Variants in TOX3 observed in about 807,000 individuals in gnomAD.
TOX3 encodes TOX high mobility group box family member 3.
Under a neutral mutation model 64.3 loss-of-function variants are expected in TOX3, and 22 were observed. That is an observed-to-expected ratio of 0.34 (90% CI 0.24 to 0.49). The LOEUF is 0.49. Ranked by LOEUF, TOX3 falls within the 20% of genes least tolerant of loss-of-function variation. The pLI, the probability that TOX3 is intolerant of heterozygous loss-of-function variation, is 0.99. For synonymous variants in TOX3, 291 were observed against 273.6 expected (o/e 1.06, Z -0.63); for missense variants, 661 against 714.4 (o/e 0.93, Z 0.85).
rs1960148322 is a variant in TOX3 at position 52,445,928 on chromosome 16, G to T, written c.906+66C>A. The T allele has an allele frequency of 2.1e-6, 3 of 1,439,446 alleles. No individual in the cohort carries two copies. In the South Asian group the frequency reaches 3.7e-5, roughly 18 times the overall value. The allele number at this position is 1,439,446 out of a possible 1,614,324, so 89.2% of individuals were successfully genotyped here. A position where few individuals can be genotyped will look rare whatever the true frequency, so the allele number is the denominator to read the frequency against. ...TAAGTGAACACATGCACTTGGAAAA[G>T]GTGTGAGGAATATTTTAAATGATCA... On this transcript the variant is annotated intron_variant, in intron 5 of 6. Coordinates refer to ENST00000219746, the MANE Select transcript of TOX3 (RefSeq NM_001080430.4).
chr16:52,458,990 A>G (rs1960609439), intron 3 of TOX3, among the ~76,000 whole-genome samples: 1 of 152,164 alleles, frequency 6.6e-6, no homozygotes, highest in Non-Finnish European at 1.5e-5. Context: ...AACACAAAAC[A>G]ATTTCACAAA....
At chr16:52,540,269 C>T (rs1963048174) in intron 1 of TOX3, among the ~76,000 whole-genome samples, 1 of 150,082 alleles carries the variant, frequency 6.7e-6, no homozygotes, top group South Asian at 2.2e-4. Flanking sequence ...ACCTGTGGTC[C>T]CAGCTACTCA....
At chr16:52,461,511 C>G (rs1960688213) in intron 3 of TOX3, among the ~76,000 whole-genome samples, 1 of 152,022 alleles carries the variant, frequency 6.6e-6, no homozygotes. Flanking sequence ...AATAATGCAG[C>G]TAATCAGTAA....
At chr16:52,449,137 G>T (rs1960257382) in intron 4 of TOX3, among the ~76,000 whole-genome samples, 1 of 152,026 alleles carries the variant, frequency 6.6e-6, no homozygotes, top group South Asian at 2.1e-4. Flanking sequence ...CCTTTTCTTT[G>T]GTCCCTCCCT....
intron 1 of TOX3, among the ~76,000 whole-genome samples, chr16:52,485,244 G>GTATA (rs761645024): frequency 8.1e-4 from 77 of 95,320 alleles, no homozygotes; most frequent in African/African-American, 4.1e-3. Flanking sequence ...GTATGTGTGT[G>GTATA]TGTATATATA....
chr16:52,481,366 C>T (rs574563561), intron 1 of TOX3, among the ~76,000 whole-genome samples: 27 of 151,924 alleles, frequency 1.8e-4, no homozygotes, highest in African/African-American at 5.1e-4. Flanking sequence ...AATAGTTTAA[C>T]GTGTTCTTTT....
intron 1 of TOX3, among the ~76,000 whole-genome samples, chr16:52,538,057 A>G (rs576901528): frequency 6.6e-6 from 1 of 152,278 alleles, no homozygotes; most frequent in East Asian, 1.9e-4. Context: ...ACTTGCAACC[A>G]AAGCATTTTT....
intron 1 of TOX3, among the ~76,000 whole-genome samples, chr16:52,533,636 C>T (rs970530945): frequency 1.3e-5 from 2 of 151,922 alleles, no homozygotes; most frequent in African/African-American, 2.4e-5. Context: ...ATCAGGTTTT[C>T]CATTTGCAGT....
rs750994556 is a variant in TOX3, at chr16:52,446,026, T to C, written c.874A>G (p.Met292Val). The C allele has an allele frequency of 3.1e-6, 5 of 1,613,958 alleles. No homozygotes were observed. Among genetic ancestry groups the C allele is most frequent in the South Asian group, 1.1e-5 (1 of 91,086 alleles). ...FGEVSKIVAS[M>V]WDSLGEEQKQ... ...TGTTCTTCTCCAAGGCTGTCCCACA[T>C]AGATGCTACAATTTTTGAGACCTCT... Residue 292 changes from methionine to valine, a missense_variant, in exon 5 of 7, where the codon ATG (methionine) becomes GTG (valine). Around this residue, in one of 3 missense-constraint regions of TOX3, gnomAD observed 103 missense variants for 161.2 expected, o/e 0.64. Coordinates refer to ENST00000219746, the MANE Select transcript of TOX3 (RefSeq NM_001080430.4).
intron 1 of TOX3, among the ~76,000 whole-genome samples, chr16:52,476,725 C>T (rs1333833662): frequency 6.6e-6 from 1 of 152,156 alleles, no homozygotes; most frequent in Admixed American, 6.5e-5. Context: ...CTTACCAACA[C>T]TTAACTGAGT....
At chr16:52,492,259 A>G (rs1961708233) in intron 1 of TOX3, among the ~76,000 whole-genome samples, 1 of 146,930 alleles carries the variant, frequency 6.8e-6, no homozygotes. Flanking sequence ...ATTATACAAT[A>G]TAAATATATA....
intron 1 of TOX3, among the ~76,000 whole-genome samples, chr16:52,528,899 G>A (rs12929984): frequency 0.16 from 24,531 of 152,188 alleles, 2,292 homozygotes; most frequent in Middle Eastern, 0.26. Context: ...GCTTCCTGAA[G>A]CTAAAATGGC....
Position 52,438,861 on chromosome 16 carries a change from C to T in TOX3, c.*364G>A. ...GCCTGGAAGTGTGGTTTACTCACTTCTGGAGAAATAAGGCCATTTTTCTAT... is the reference window on the plus strand; with the variant it reads ...GCCTGGAAGTGTGGTTTACTCACTTTTGGAGAAATAAGGCCATTTTTCTAT... On this transcript the variant is annotated 3_prime_UTR_variant, in exon 7 of 7. Coordinates refer to ENST00000219746, the MANE Select transcript of TOX3 (RefSeq NM_001080430.4). 1 of 508,224 alleles carries T rather than the reference C, an allele frequency of 2.0e-6. No homozygotes were observed. Among genetic ancestry groups the T allele is most frequent in the Admixed American group, 2.1e-5 (1 of 47,534 alleles). 31.5% of individuals were successfully genotyped at this position (508,224 alleles called of 1,614,324 possible). A position where few individuals can be genotyped will look rare whatever the true frequency, so the allele number is the denominator to read the frequency against.
chr16:52,446,671 C>A (rs898560248), intron 4 of TOX3, among the ~76,000 whole-genome samples: 5 of 83,558 alleles, frequency 6.0e-5, no homozygotes, highest in African/African-American at 2.4e-4. Flanking sequence ...TGTGATCTGT[C>A]TGAATTGATT....
chr16:52,454,712 A>G (rs1960464414), intron 3 of TOX3, among the ~76,000 whole-genome samples: 1 of 152,204 alleles, frequency 6.6e-6, no homozygotes, highest in South Asian at 2.1e-4. Context: ...GTATAAAAGT[A>G]TTTACTGAGC....
At chr16:52,498,972 C>G (rs112069978) in intron 1 of TOX3, among the ~76,000 whole-genome samples, 1 of 152,154 alleles carries the variant, frequency 6.6e-6, no homozygotes, top group Non-Finnish European at 1.5e-5. Context: ...ACATTCTTAC[C>G]CTAACACAAT....
chr16:52,444,366 G>A lies in TOX3; in HGVS notation c.907-10C>T. 6.4e-7 allele frequency: 1 copy of A among 1,555,758 alleles called. No homozygotes were observed. Among genetic ancestry groups the A allele is most frequent in the Non-Finnish European group, 8.7e-7 (1 of 1,144,762 alleles). Reference sequence around the variant, plus strand: ...TTTTCCTTTTATATACCTATTAAAAGACCACAATTAGCACCACCTTTAGCG... The same window carrying A: ...TTTTCCTTTTATATACCTATTAAAAAACCACAATTAGCACCACCTTTAGCG... On this transcript the variant is annotated splice_polypyrimidine_tract_variant and intron_variant, in intron 5 of 6. Coordinates refer to ENST00000219746, the MANE Select transcript of TOX3 (RefSeq NM_001080430.4).
intron 3 of TOX3, among the ~76,000 whole-genome samples, chr16:52,461,073 G>T (rs562655330): frequency 2.3e-4 from 35 of 152,170 alleles, no homozygotes; most frequent in Admixed American, 3.9e-4. Context: ...AGCAGGCTGG[G>T]CAGATTATAG....
At chr16:52,448,480 T>A (rs1048837732) in intron 4 of TOX3, among the ~76,000 whole-genome samples, 6 of 152,172 alleles carry the variant, frequency 3.9e-5, no homozygotes, top group African/African-American at 1.4e-4. Context: ...CTCAAGAGTC[T>A]TTAACCATTA....
Sources: gnomAD v4.1 joint callset for allele counts (sites outside exome capture counted in the v4.1 genomes callset) on GRCh38, gnomAD v4.1.1 for gene constraint, gnomAD v4.1.1 regional missense constraint, MANE v1.5 for transcripts, NCBI Gene and HGNC (gene_info 2026-07-23, HGNC 2026-07-21) for gene names.